Variants in SNTB2 observed in about 807,000 individuals in gnomAD.
The protein encoded by SNTB2 is syntrophin beta 2.
A neutral mutation model predicts 46.2 loss-of-function variants in SNTB2; 34 were observed. That is an observed-to-expected ratio of 0.74 (90% CI 0.56 to 0.98). The LOEUF (loss-of-function observed/expected upper bound fraction) is 0.98, where lower values mean the gene tolerates loss of function less well. SNTB2 is among the 50% of genes least tolerant of loss of function. The pLI is 0.00. For missense variants in SNTB2, 603 were observed against 731.4 expected, an observed-to-expected ratio of 0.82 and a Z score of 2.02; for synonymous variants, 290 against 312.6, an observed-to-expected ratio of 0.93 and a Z score of 0.76.
At chr16:69,267,757 CCAAACCA>C (rs1964900018) in intron 3 of SNTB2, among the ~76,000 whole-genome samples, 1 of 152,038 alleles carries the variant, frequency 6.6e-6, no homozygotes, top group South Asian at 2.1e-4. Context: ...TAGCACAGAA[CCAAACCA>C]CACATGCCAC....
At chr16:69,222,328 C>T (rs1163024974) in intron 1 of SNTB2, among the ~76,000 whole-genome samples, 1 of 152,136 alleles carries the variant, frequency 6.6e-6, no homozygotes, top group Non-Finnish European at 1.5e-5. Context: ...TGCGGTGACT[C>T]ATGCCTGGAA....
intron 1 of SNTB2, among the ~76,000 whole-genome samples, chr16:69,188,375 G>A (rs1322687203): frequency 6.6e-6 from 1 of 152,154 alleles, no homozygotes; most frequent in African/African-American, 2.4e-5. Flanking sequence ...CTAGAGTTTT[G>A]CCCCTTTTGC....
At chr16:69,231,579 A>T (rs1490221850) in intron 1 of SNTB2, among the ~76,000 whole-genome samples, 8 of 152,216 alleles carry the variant, frequency 5.3e-5, no homozygotes, top group Admixed American at 2.0e-4. Flanking sequence ...GCAGGAGTGA[A>T]ACTCCATCTC....
At chr16:69,292,357 TATA>T (rs1965167956) in intron 5 of SNTB2, among the ~76,000 whole-genome samples, 1 of 29,872 alleles carries the variant, frequency 3.3e-5, no homozygotes, top group Non-Finnish European at 5.6e-5. Context: ...TTATTTTTTA[TATA>T]TATATATATA....
At position 69,270,253 on chromosome 16, in the gene SNTB2, A is replaced by C; in HGVS notation, c.1116A>C (p.Ser372=). Residue 372 remains serine, a synonymous_variant, in exon 4 of 7, where the codon TCA becomes TCC. Transcript: ENST00000336278. ...CMPWTRDAWA[S]PCHSYPLVAT... Reference sequence around the variant, plus strand: ...CGTGGACAAGAGATGCCTGGGCGTCACCATGCCACAGCTACCCACTTGTTG... The same window carrying C: ...CGTGGACAAGAGATGCCTGGGCGTCCCCATGCCACAGCTACCCACTTGTTG... The C allele has an allele frequency of 2.5e-6, 4 of 1,614,178 alleles. No individual in the cohort carries two copies. The highest frequency in any genetic ancestry group is 3.4e-6 in the Non-Finnish European group (4 of 1,180,032).
intron 2 of SNTB2, among the ~76,000 whole-genome samples, chr16:69,254,203 G>T (rs957644533): frequency 6.6e-6 from 1 of 152,090 alleles, no homozygotes; most frequent in Non-Finnish European, 1.5e-5. Flanking sequence ...CTAGAATGAG[G>T]GTGGGGCAGT....
At chr16:69,205,697 TC>T (rs1340855123) in intron 1 of SNTB2, among the ~76,000 whole-genome samples, 2 of 152,170 alleles carry the variant, frequency 1.3e-5, no homozygotes, top group Admixed American at 1.3e-4. Context: ...ATTAGGCATT[TC>T]CAACCTGCTT....
chr16:69,223,160 AC>A (rs1964423637), intron 1 of SNTB2, among the ~76,000 whole-genome samples: 1 of 151,218 alleles, frequency 6.6e-6, no homozygotes, highest in Admixed American at 6.6e-5. Context: ...CCGAATGTTA[AC>A]ATCTTGCATA....
chr16:69,232,474 G>A (rs1964516000), intron 1 of SNTB2, among the ~76,000 whole-genome samples: 1 of 147,628 alleles, frequency 6.8e-6, no homozygotes, highest in Non-Finnish European at 1.5e-5. Context: ...CAAAGTGCTG[G>A]GATTACAGGT....
At chr16:69,207,563 G>A (rs1018712750) in intron 1 of SNTB2, among the ~76,000 whole-genome samples, 2 of 152,206 alleles carry the variant, frequency 1.3e-5, no homozygotes, top group African/African-American at 2.4e-5. Flanking sequence ...TCGAGATTCA[G>A]TTTAAATGTG....
intron 1 of SNTB2, among the ~76,000 whole-genome samples, chr16:69,214,958 C>T (rs1597175389): frequency 1.3e-5 from 2 of 152,042 alleles, no homozygotes; most frequent in South Asian, 4.1e-4. Context: ...ATTCTCCTGC[C>T]TAAGCCTCCC....
intron 3 of SNTB2, among the ~76,000 whole-genome samples, chr16:69,262,436 C>A (rs1184104772): frequency 6.6e-6 from 1 of 151,114 alleles, no homozygotes; most frequent in Non-Finnish European, 1.5e-5. Flanking sequence ...CTGATTTTAC[C>A]GTTTAACTGG....
chr16:69,284,738 C>T (rs569441525), intron 5 of SNTB2, among the ~76,000 whole-genome samples: 1 of 152,256 alleles, frequency 6.6e-6, no homozygotes, highest in East Asian at 1.9e-4. Flanking sequence ...CACACCACTG[C>T]ACTCCAGTCT....
At chr16:69,276,815 G>A (rs556753447) in intron 4 of SNTB2, among the ~76,000 whole-genome samples, 2 of 152,200 alleles carry the variant, frequency 1.3e-5, no homozygotes, top group South Asian at 2.1e-4. Flanking sequence ...CAGTTGGCAC[G>A]AAACTGTTTT....
chr16:69,281,985 A>G (rs111332225), intron 4 of SNTB2, among the ~76,000 whole-genome samples: 1 of 133,548 alleles, frequency 7.5e-6, no homozygotes, highest in Non-Finnish European at 1.6e-5. Flanking sequence ...GGCCACTGCA[A>G]CCTCCACCTT....
chr16:69,268,390 G>A lies in SNTB2; in HGVS notation c.1006-1753G>A, dbSNP rs1047552456. Among the ~76,000 whole-genome samples the A allele has an allele frequency of 3.9e-5, 6 of 152,060 alleles. No homozygotes were observed. The South Asian group carries it at 1.3e-3, about 32-fold the overall frequency. ...GAGGCAGGAGAATTGCTTGAACCTG[G>A]GAGGTGGAGGTTGCAGTGAACCAAG... On this transcript the variant is annotated intron_variant, in intron 3 of 6. Coordinates refer to ENST00000336278, the MANE Select transcript of SNTB2 (RefSeq NM_006750.4).
chr16:69,216,656 G>T (rs962098358), intron 1 of SNTB2, among the ~76,000 whole-genome samples: 1 of 151,616 alleles, frequency 6.6e-6, no homozygotes, highest in African/African-American at 2.4e-5. Flanking sequence ...TTGTACTCCA[G>T]CCCCATGGGT....
intron 5 of SNTB2, among the ~76,000 whole-genome samples, chr16:69,284,719 A>G (rs1965085437): frequency 6.6e-6 from 1 of 152,122 alleles, no homozygotes; most frequent in Non-Finnish European, 1.5e-5. Flanking sequence ...GGTTGCAGTG[A>G]GCCAAGATCA....
intron 5 of SNTB2, among the ~76,000 whole-genome samples, chr16:69,294,874 A>C (rs1418693576): frequency 6.6e-6 from 1 of 150,420 alleles, no homozygotes; most frequent in African/African-American, 2.4e-5. Flanking sequence ...GCTGGAGTGC[A>C]GTGGTGCAAT....
Sources: gnomAD v4.1 joint callset for allele counts (sites outside exome capture counted in the v4.1 genomes callset) on GRCh38, gnomAD v4.1.1 for gene constraint, MANE v1.5 for transcripts, NCBI Gene and HGNC (gene_info 2026-07-23, HGNC 2026-07-21) for gene names.